MINDY4: variants seen among roughly 807,000 people sequenced by gnomAD.
MINDY4 encodes probable ubiquitin carboxyl-terminal hydrolase MINDY-4.
MINDY4 carries 68 observed loss-of-function variants against 87.0 expected under a neutral mutation model. The ratio of observed to expected loss-of-function variants is 0.78; its 90% CI spans 0.64 to 0.96. The LOEUF (loss-of-function observed/expected upper bound fraction) is 0.96, where lower values mean the gene tolerates loss of function less well. Ranked by LOEUF, MINDY4 falls within the 40% of genes least tolerant of loss-of-function variation. The pLI, the probability that MINDY4 is intolerant of heterozygous loss-of-function variation, is 0.00. For synonymous variants in MINDY4, 379 were observed against 363.2 expected, an observed-to-expected ratio of 1.04 and a Z score of -0.50; for missense variants, 919 against 928.2, an observed-to-expected ratio of 0.99 and a Z score of 0.13.
intron 5 of MINDY4, among the ~76,000 whole-genome samples, chr7:30,791,914 T>C (rs563153638): frequency 6.6e-6 from 1 of 152,306 alleles, no homozygotes; most frequent in East Asian, 1.9e-4. Context: ...ACTCAATGTT[T>C]TAAGAAAGTT....
chr7:30,852,297 A>C lies in MINDY4; in HGVS notation c.1611+18A>C. The C allele has an allele frequency of 6.2e-7, 1 of 1,614,024 alleles. No individual in the cohort carries two copies. The highest frequency in any genetic ancestry group is 8.5e-7 in the Non-Finnish European group (1 of 1,179,978). On this transcript the variant is annotated intron_variant, in intron 11 of 17. Transcript: ENST00000265299. ...TAGAAACAGTACGACTTTCTGGAAAATTATCACGCAAACTTTGGCTTTGTT... is the reference window on the plus strand; with the variant it reads ...TAGAAACAGTACGACTTTCTGGAAACTTATCACGCAAACTTTGGCTTTGTT...
chr7:30,883,070 T>C, intron 17 of MINDY4, 77 bp downstream of exon 17: 1 of 1,411,616 alleles, frequency 7.1e-7, no homozygotes, highest in South Asian at 1.2e-5. Flanking sequence ...TGGTCAGGCC[T>C]GCAGGAAGGC....
At chr7:30,792,078 A>G (rs1049300756) in intron 5 of MINDY4, among the ~76,000 whole-genome samples, 2 of 152,186 alleles carry the variant, frequency 1.3e-5, no homozygotes, top group Non-Finnish European at 2.9e-5. Flanking sequence ...AGCCAGAGAT[A>G]CAGTGATGAA....
At chr7:30,812,574 C>T (rs1360043370) in intron 5 of MINDY4, among the ~76,000 whole-genome samples, 1 of 152,132 alleles carries the variant, frequency 6.6e-6, no homozygotes, top group East Asian at 1.9e-4. Context: ...CCAAGGCTAG[C>T]CCAAAACACG....
intron 5 of MINDY4, among the ~76,000 whole-genome samples, chr7:30,820,064 G>A (rs1376322822): frequency 6.6e-6 from 1 of 150,806 alleles, no homozygotes; most frequent in Admixed American, 6.6e-5. Flanking sequence ...ACTACGCCCG[G>A]CTAATTTTTT....
At chr7:30,870,752 A>G (rs927221588) in intron 13 of MINDY4, among the ~76,000 whole-genome samples, 9 of 152,232 alleles carry the variant, frequency 5.9e-5, no homozygotes, top group South Asian at 2.1e-4. Context: ...GACCAAGTTT[A>G]TCTTCTCCTC....
intron 5 of MINDY4, among the ~76,000 whole-genome samples, chr7:30,824,683 C>G (rs765918554): frequency 1.3e-5 from 2 of 152,152 alleles, no homozygotes; most frequent in Non-Finnish European, 2.9e-5. Context: ...CAGCGATCCT[C>G]CCATTTCAGC....
At chr7:30,779,767 GT>G (rs1378205970) in intron 2 of MINDY4, 3 of 152,220 alleles carry the variant, frequency 2.0e-5, no homozygotes, top group Non-Finnish European at 4.4e-5. Flanking sequence ...TATTGTAGGA[GT>G]GATGATCAAG....
At chr7:30,846,565 T>C (rs1486471530) in intron 9 of MINDY4, among the ~76,000 whole-genome samples, 1 of 152,162 alleles carries the variant, frequency 6.6e-6, no homozygotes, top group Non-Finnish European at 1.5e-5. Flanking sequence ...GTTCTGCCAG[T>C]GAAGGCGTGC....
intron 13 of MINDY4, among the ~76,000 whole-genome samples, chr7:30,868,921 A>C (rs1349849434): frequency 7.3e-6 from 1 of 136,988 alleles, no homozygotes; most frequent in African/African-American, 2.5e-5. Context: ...GGTTGGTGTC[A>C]GGGCAGCCAG....
At chr7:30,799,443 A>C (rs1787586284) in intron 5 of MINDY4, among the ~76,000 whole-genome samples, 1 of 152,222 alleles carries the variant, frequency 6.6e-6, no homozygotes. Context: ...AGCATCTGTC[A>C]CTGGAGGCCT....
rs762217591 is a variant in MINDY4, at chr7:30,882,255, T to A, written c.2046T>A (p.Phe682Leu). The change falls in exon 16 of 18, where the codon TTT (phenylalanine) becomes TTA (leucine). Residue 682 changes from phenylalanine (F) to leucine (L), a missense_variant. Coordinates refer to ENST00000265299, the MANE Select transcript of MINDY4 (RefSeq NM_032222.3). ...VCSESHFSIL[F>L]SLQPGLLRDW... ...GTGAGAGCCACTTCAGCATCCTCTT[T>A]AGCCTGCAGCCGGGGCTCCTGCGTG... 6.2e-7 allele frequency: 1 copy of A among 1,613,838 alleles called. No individual in the cohort carries two copies. Among genetic ancestry groups the A allele is most frequent in the Non-Finnish European group, 8.5e-7 (1 of 1,179,896 alleles).
chr7:30,871,955 C>T (rs963685524), intron 13 of MINDY4, among the ~76,000 whole-genome samples: 2 of 152,298 alleles, frequency 1.3e-5, no homozygotes, highest in Non-Finnish European at 2.9e-5. Context: ...TACCGTGTCA[C>T]GCTTCAGTCG....
At chr7:30,872,455 TCTGC>T in intron 14 of MINDY4, 149 bp downstream of exon 14, 1 of 685,718 alleles carries the variant, frequency 1.5e-6, no homozygotes, top group Non-Finnish European at 2.5e-6. Context: ...CGTGCCCACC[TCTGC>T]TGGGTTTCAC....
intron 5 of MINDY4, among the ~76,000 whole-genome samples, chr7:30,825,073 T>C (rs1384612348): frequency 6.6e-6 from 1 of 152,206 alleles, no homozygotes; most frequent in East Asian, 1.9e-4. Context: ...AATTTATTAG[T>C]TGCATGCTTT....
At chr7:30,866,334 C>T (rs1055932977) in intron 13 of MINDY4, among the ~76,000 whole-genome samples, 4 of 152,244 alleles carry the variant, frequency 2.6e-5, no homozygotes, top group Non-Finnish European at 4.4e-5. Flanking sequence ...AAAGGGTCTC[C>T]TGTGCCAGAC....
intron 14 of MINDY4, among the ~76,000 whole-genome samples, chr7:30,875,206 G>GC: frequency 6.6e-6 from 1 of 152,270 alleles, no homozygotes; most frequent in East Asian, 1.9e-4. Context: ...TCTCACCAGT[G>GC]CCCCCAGTAG....
chr7:30,884,852 C>T (rs755816009), intron 17 of MINDY4, among the ~76,000 whole-genome samples: 2 of 151,264 alleles, frequency 1.3e-5, no homozygotes, highest in Non-Finnish European at 2.9e-5. Flanking sequence ...TTAGTCCATG[C>T]AGAGTGAGAG....
At chr7:30,847,645 T>C (rs1187314978) in intron 9 of MINDY4, among the ~76,000 whole-genome samples, 1 of 152,228 alleles carries the variant, frequency 6.6e-6, no homozygotes, top group Non-Finnish European at 1.5e-5. Context: ...CTTTAACAAT[T>C]TGATGAAATA....
Sources: allele counts gnomAD v4.1 joint callset (sites outside exome capture counted in the v4.1 genomes callset), GRCh38; gene constraint gnomAD v4.1.1; transcripts MANE v1.5; gene names NCBI Gene and HGNC (gene_info 2026-07-23, HGNC 2026-07-21).